The following MAN1A1 variants were observed in gnomAD, a reference collection of about 807,000 sequenced individuals.
The protein encoded by MAN1A1 is mannosyl-oligosaccharide 1,2-alpha-mannosidase IA.
A neutral mutation model predicts 70.8 loss-of-function variants in MAN1A1; 29 were observed. The observed-to-expected ratio is 0.41, with a 90% confidence interval of 0.31 to 0.56. The LOEUF is 0.56. Ranked by LOEUF, MAN1A1 falls within the 20% of genes least tolerant of loss-of-function variation. The probability of loss-of-function intolerance (pLI) is 0.29; values close to 1 mark genes in which losing one functional copy is unlikely to be tolerated. For missense variants in MAN1A1, 747 were observed against 841.3 expected (o/e 0.89, Z 1.39); for synonymous variants, 349 against 330.1 (o/e 1.06, Z -0.62).
chr6:119,180,077 A>G (rs1421006653), intron 12 of MAN1A1, 132 bp from the exon 13 acceptor site: 12 of 1,003,222 alleles, frequency 1.2e-5, no homozygotes, highest in Non-Finnish European at 1.6e-5. Flanking sequence ...CAAATATATC[A>G]AAACCCTGAG....
rs1775227623 is a variant in MAN1A1 at position 119,248,492 on chromosome 6, A to T, written c.898-138T>A. The T allele has an allele frequency of 9.8e-6, 6 of 612,488 alleles. No individual in the cohort carries two copies. In the South Asian group the frequency reaches 1.1e-4, roughly 11 times the overall value. 37.9% of individuals were successfully genotyped at this position (612,488 alleles called of 1,614,324 possible). On this transcript the variant is annotated intron_variant, in intron 5 of 12. Coordinates refer to ENST00000368468, the MANE Select transcript of MAN1A1 (RefSeq NM_005907.4). ...TTTAATATCTGACAAAAAGTTTACC[A>T]AATTAACAGAATTACCCAGTAAAGC...
intron 5 of MAN1A1, among the ~76,000 whole-genome samples, chr6:119,282,459 T>C (rs1256023348): frequency 6.6e-6 from 1 of 152,206 alleles, no homozygotes; most frequent in Admixed American, 6.5e-5. Flanking sequence ...TACACTCCTA[T>C]ATTCCTTTTA....
chr6:119,233,518 T>G (rs1774746935), intron 6 of MAN1A1, among the ~76,000 whole-genome samples: 1 of 152,238 alleles, frequency 6.6e-6, no homozygotes, highest in South Asian at 2.1e-4. Context: ...GATAAGAAAC[T>G]GGTCTGGGCT....
chr6:119,302,445 G>T (rs975753798), intron 3 of MAN1A1, among the ~76,000 whole-genome samples: 1 of 151,184 alleles, frequency 6.6e-6, no homozygotes, highest in African/African-American at 2.4e-5. Flanking sequence ...GCAGTGGCGC[G>T]ATCTCAGCAA....
At chr6:119,278,689 TAGG>T (rs1236446151) in intron 5 of MAN1A1, among the ~76,000 whole-genome samples, 5 of 152,094 alleles carry the variant, frequency 3.3e-5, no homozygotes, top group Non-Finnish European at 7.4e-5. Flanking sequence ...TGGGGCCTAG[TAGG>T]AGGTGTTTGG....
chr6:119,244,374 C>T (rs1303089915), intron 6 of MAN1A1, among the ~76,000 whole-genome samples: 1 of 152,008 alleles, frequency 6.6e-6, no homozygotes, highest in Non-Finnish European at 1.5e-5. Flanking sequence ...CTTATGCATT[C>T]TCATTCTATG....
chr6:119,342,992 A>C (rs1024825690), intron 2 of MAN1A1, among the ~76,000 whole-genome samples: 1 of 152,158 alleles, frequency 6.6e-6, no homozygotes, highest in African/African-American at 2.4e-5. Flanking sequence ...CTTCTTGGAG[A>C]GATCTTTATA....
At chr6:119,222,865 T>C (rs779893938) in intron 6 of MAN1A1, among the ~76,000 whole-genome samples, 8 of 152,136 alleles carry the variant, frequency 5.3e-5, no homozygotes, top group Non-Finnish European at 1.0e-4. Flanking sequence ...CCCCATAATC[T>C]CTCTCCTTCC....
At chr6:119,263,194 TTATTAAG>T (rs1425471064) in intron 5 of MAN1A1, among the ~76,000 whole-genome samples, 1 of 152,026 alleles carries the variant, frequency 6.6e-6, no homozygotes, top group Non-Finnish European at 1.5e-5. Flanking sequence ...AAAGGGGAGT[TTATTAAG>T]TATTAAGTTA....
Position 119,248,339 on chromosome 6 carries a change from C to T in MAN1A1, c.913G>A (p.Ala305Thr), listed in dbSNP as rs1775223245. 2 of 1,610,846 alleles carry T rather than the reference C, an allele frequency of 1.2e-6. No homozygotes were observed. The highest frequency in any genetic ancestry group is 1.1e-5 in the South Asian group (1 of 90,988). The change falls in exon 6 of 13, where the codon GCA (alanine) becomes ACA (threonine). Residue 305 changes from alanine to threonine, a missense_variant. Ala to Thr is a moderately conservative substitution (Grantham distance 58). Coordinates refer to ENST00000368468, the MANE Select transcript of MAN1A1 (RefSeq NM_005907.4). ...AGCAATTTTACCCCAAGTTCCACTG[C>T]TTTCTTTCGAAAAATCTGAAAAGTC... Reference protein sequence around the residue: ...LSGEEIFRKKAVELGVKLLPA... With the variant: ...LSGEEIFRKKTVELGVKLLPA...
chr6:119,295,568 T>G (rs1432749583), intron 4 of MAN1A1, among the ~76,000 whole-genome samples: 1 of 152,184 alleles, frequency 6.6e-6, no homozygotes. Context: ...TCTGATTGAT[T>G]GCATTAAATG....
chr6:119,204,062 G>T (rs911559812), intron 7 of MAN1A1, among the ~76,000 whole-genome samples: 7 of 152,150 alleles, frequency 4.6e-5, no homozygotes, highest in Non-Finnish European at 8.8e-5. Context: ...GAGACAAACT[G>T]GGAGAGTATT....
At chr6:119,211,580 C>T (rs546276218) in intron 6 of MAN1A1, among the ~76,000 whole-genome samples, 1 of 152,318 alleles carries the variant, frequency 6.6e-6, no homozygotes, top group Admixed American at 6.5e-5. Context: ...TCACCACATA[C>T]ATGCCCCTCT....
At position 119,179,860 on chromosome 6, in the gene MAN1A1, G is replaced by A. The variant is rs763441321; in HGVS notation, c.1921C>T (p.Leu641Phe). Residue 641 changes from leucine to phenylalanine, a missense_variant, in exon 13 of 13, where the codon CTC (leucine) becomes TTC (phenylalanine). Physicochemically the swap from Leu to Phe is conservative, Grantham distance 22 (BLOSUM62 0). Around this residue, in one of 2 missense-constraint regions of MAN1A1, gnomAD observed 419 missense variants for 548.2 expected, o/e 0.76. Coordinates refer to ENST00000368468, the MANE Select transcript of MAN1A1 (RefSeq NM_005907.4). ...TCAACTTCCTTTTTATCTTTAGGGA[G>A]GATAGGGAGAAGATGTGCCTCGCTA... ...FNSEAHLLPILPKDKKEVEIR... is the reference protein window; with the variant it reads ...FNSEAHLLPIFPKDKKEVEIR... 1 of 1,612,696 alleles carries A rather than the reference G, an allele frequency of 6.2e-7. No homozygotes were observed. Among genetic ancestry groups the A allele is most frequent in the Non-Finnish European group, 8.5e-7 (1 of 1,178,898 alleles).
chr6:119,318,064 T>G (rs1284969670), intron 2 of MAN1A1, among the ~76,000 whole-genome samples: 1 of 152,186 alleles, frequency 6.6e-6, no homozygotes, highest in East Asian at 1.9e-4. Context: ...TAAAAATGTA[T>G]AAAAGGACTT....
At chr6:119,329,370 G>A (rs1391010988) in intron 2 of MAN1A1, among the ~76,000 whole-genome samples, 1 of 152,120 alleles carries the variant, frequency 6.6e-6, no homozygotes, top group Admixed American at 6.5e-5. Flanking sequence ...TAGCAGTCTT[G>A]GTTCCCTGTA....
chr6:119,314,574 G>A (rs12205260), intron 2 of MAN1A1, among the ~76,000 whole-genome samples: 50,167 of 151,956 alleles, frequency 0.33, 8,746 homozygotes, highest in Non-Finnish European at 0.36. Context: ...CTCTCACGCT[G>A]ATTTTCTCCA....
At chr6:119,274,743 AAG>A (rs1202871130) in intron 5 of MAN1A1, among the ~76,000 whole-genome samples, 1 of 152,160 alleles carries the variant, frequency 6.6e-6, no homozygotes, top group Non-Finnish European at 1.5e-5. Context: ...TCAGAATAAA[AAG>A]AGAGATTAAA....
chr6:119,349,845 G>C, upstream of MAN1A1: 1 of 744,802 alleles, frequency 1.3e-6, no homozygotes, highest in Non-Finnish European at 1.6e-6. Context: ...CCAATCACGC[G>C]CCGCCCAGGG....
Sources: allele counts gnomAD v4.1 joint callset (sites outside exome capture counted in the v4.1 genomes callset), GRCh38; gene constraint gnomAD v4.1.1; regional missense constraint gnomAD v4.1.1; transcripts MANE v1.5; gene names NCBI Gene and HGNC (gene_info 2026-07-23, HGNC 2026-07-21).